Variants in RAB37 observed in about 807,000 individuals in gnomAD.
The protein encoded by RAB37 is ras-related protein Rab-37.
In RAB37, 29 loss-of-function variants were observed where a neutral mutation model predicts 33.1. That is an observed-to-expected ratio of 0.88 (90% CI 0.65 to 1.20). The LOEUF is 1.20. Among genes scored for constraint, RAB37 ranks in the 50% most tolerant of loss-of-function variants. The probability of loss-of-function intolerance (pLI) is 0.00; values close to 1 mark genes in which losing one functional copy is unlikely to be tolerated. For synonymous variants in RAB37, 128 were observed against 119.5 expected (o/e 1.07, Z -0.47); for missense variants, 299 against 301.1 (o/e 0.99, Z 0.05).
At position 74,742,315 on chromosome 17, in the gene RAB37, T is replaced by C. The variant is rs2034638691; in HGVS notation, c.246+20T>C. 6 of 1,600,878 alleles carry C rather than the reference T, an allele frequency of 3.7e-6. No individual in the cohort carries two copies. Among genetic ancestry groups the C allele is most frequent in the Non-Finnish European group, 5.1e-6 (6 of 1,169,742 alleles). Reference sequence around the variant, plus strand: ...CTGCAGGTGAGACCAGAGGCTGGAGTTGGGGAGGGAGGATGGAGGACCTGC... The same window carrying C: ...CTGCAGGTGAGACCAGAGGCTGGAGCTGGGGAGGGAGGATGGAGGACCTGC... On this transcript the variant is annotated intron_variant, in intron 3 of 8. Coordinates refer to ENST00000392613, the MANE Select transcript of RAB37 (RefSeq NM_001006638.3). The surrounding 1 kb of genome is among the most constrained non-coding windows in gnomAD (Gnocchi z 4.0).
Position 74,742,109 on chromosome 17 carries a change from GCC to G in RAB37, c.205-143_205-142del. On this transcript the variant is annotated intron_variant, in intron 2 of 8. Coordinates refer to ENST00000392613, the MANE Select transcript of RAB37 (RefSeq NM_001006638.3). This position sits in a 1 kb window ranked among gnomAD's most constrained non-coding sequence, Gnocchi z 4.0. ...GGTGTCTGGGTATGGGGTTCCTGCT[GCC>G]CTGATGGTATGATCTGGCTGGAGAC... 1 of 934,628 alleles carries G rather than the reference GCC, an allele frequency of 1.1e-6. No individual in the cohort carries two copies. Among genetic ancestry groups the G allele is most frequent in the South Asian group, 1.5e-5 (1 of 65,448 alleles). The allele number at this position is 934,628 out of a possible 1,614,324, so 57.9% of individuals were successfully genotyped here.
intron 1 of RAB37, among the ~76,000 whole-genome samples, chr17:74,711,562 C>G (rs561468186): frequency 2.0e-5 from 3 of 152,344 alleles, no homozygotes; most frequent in Non-Finnish European, 2.9e-5. Flanking sequence ...TCTGTCCCAC[C>G]AGGATCTTCT....
At chr17:74,701,771 AC>A (rs2033066831) in intron 1 of RAB37, among the ~76,000 whole-genome samples, 1 of 151,216 alleles carries the variant, frequency 6.6e-6, no homozygotes, top group African/African-American at 2.4e-5. Context: ...AATCACATGA[AC>A]CTGGGAGGTG....
chr17:74,678,672 C>G (rs905978411), intron 1 of RAB37, among the ~76,000 whole-genome samples: 4 of 146,084 alleles, frequency 2.7e-5, no homozygotes, highest in African/African-American at 1.1e-4. Context: ...ACCACACACA[C>G]AGACACACAG....
intron 1 of RAB37, among the ~76,000 whole-genome samples, chr17:74,687,333 C>T (rs1195784190): frequency 1.3e-5 from 2 of 152,110 alleles, no homozygotes; most frequent in Non-Finnish European, 2.9e-5. Context: ...AAGCAATTCT[C>T]CTTTCTCGGC....
chr17:74,673,204 G>A (rs139787822), intron 1 of RAB37, among the ~76,000 whole-genome samples: 131 of 152,140 alleles, frequency 8.6e-4, no homozygotes, highest in African/African-American at 3.0e-3. Context: ...AAGGGTTCAA[G>A]ACCAGCCTGG....
Position 74,729,438 on chromosome 17 carries a change from C to T in RAB37, c.183+72C>T. The T allele has an allele frequency of 7.0e-6, 7 of 1,007,026 alleles. No individual in the cohort carries two copies. Among genetic ancestry groups the T allele is most frequent in the South Asian group, 1.3e-5 (1 of 79,026 alleles). The allele number at this position is 1,007,026 out of a possible 1,614,324, so 62.4% of individuals were successfully genotyped here. A position where few individuals can be genotyped will look rare whatever the true frequency, so the allele number is the denominator to read the frequency against. ...CCAGCGTGTTTCTGTTGAGTGCCAG[C>T]AGGAAACAGGTGGACACTCGCATTG... On this transcript the variant is annotated intron_variant, in intron 2 of 7. Transcript: ENST00000340415. The surrounding 1 kb of genome is among the most constrained non-coding windows in gnomAD (Gnocchi z 4.2).
At chr17:74,712,575 G>A (rs796330763) in intron 1 of RAB37, among the ~76,000 whole-genome samples, 10 of 152,344 alleles carry the variant, frequency 6.6e-5, no homozygotes, top group African/African-American at 2.4e-4. Flanking sequence ...GGGGCCTACA[G>A]TCTGTCCATT....
chr17:74,712,846 G>A (rs772311900), intron 1 of RAB37: 1 of 1,614,086 alleles, frequency 6.2e-7, no homozygotes, highest in Non-Finnish European at 8.5e-7. Context: ...AGAGGAGCAG[G>A]TAGAGTGTCA....
rs992864212 is a variant in RAB37, at chr17:74,742,721, G to A, written c.247-408G>A. Among the ~76,000 whole-genome samples the A allele has an allele frequency of 6.6e-6, 1 of 151,904 alleles. No individual in the cohort carries two copies. The highest frequency in any genetic ancestry group is 1.5e-5 in the Non-Finnish European group (1 of 67,960). On this transcript the variant is annotated intron_variant, in intron 3 of 8. Transcript: ENST00000392613. This position sits in a 1 kb window ranked among gnomAD's most constrained non-coding sequence, Gnocchi z 4.0. Reference sequence around the variant, plus strand: ...GCTCACTGCAACCTCTGCCTCCCAGGTTTAAGAGATTCTCCTGCCTCAGCC... The same window carrying A: ...GCTCACTGCAACCTCTGCCTCCCAGATTTAAGAGATTCTCCTGCCTCAGCC...
At chr17:74,727,919 C>T (rs1023706250) in intron 1 of RAB37, among the ~76,000 whole-genome samples, 5 of 149,798 alleles carry the variant, frequency 3.3e-5, no homozygotes, top group East Asian at 3.9e-4. Flanking sequence ...TGCATGTTTG[C>T]GTGTATGCTG....
At chr17:74,739,540 T>G (rs184145377) in intron 1 of RAB37, among the ~76,000 whole-genome samples, 2,375 of 148,546 alleles carry the variant, frequency 0.016, 22 homozygotes, top group Non-Finnish European at 0.026. Context: ...TTTTTTTTTT[T>G]TTTTTTTGAG....
At chr17:74,698,514 A>ACC in intron 1 of RAB37, 2 of 1,588,632 alleles carry the variant, frequency 1.3e-6, no homozygotes, top group Non-Finnish European at 1.7e-6. Flanking sequence ...CCTGCATCCC[A>ACC]GGCTCACCAC....
intron 1 of RAB37, among the ~76,000 whole-genome samples, chr17:74,679,695 G>C (rs992762972): frequency 6.6e-6 from 1 of 152,096 alleles, no homozygotes; most frequent in African/African-American, 2.4e-5. Flanking sequence ...ACAAAGGCCA[G>C]ATGGCTGGGC....
chr17:74,724,564 T>A (rs993801165), intron 1 of RAB37, among the ~76,000 whole-genome samples: 3 of 152,228 alleles, frequency 2.0e-5, no homozygotes, highest in Non-Finnish European at 4.4e-5. Flanking sequence ...GCTGTTTATT[T>A]CACCTGGGTG....
At position 74,723,892 on chromosome 17, in the gene RAB37, C is replaced by A. The variant is rs567782497; in HGVS notation, c.73-5364C>A. On this transcript the variant is annotated intron_variant, in intron 1 of 7. Coordinates refer to the RAB37 transcript ENST00000340415. ...CCCGGCCGTAACATTTTCATAAATGCGAAGAGAAACACAAAGAGGGAAGGC... is the reference window on the plus strand; with the variant it reads ...CCCGGCCGTAACATTTTCATAAATGAGAAGAGAAACACAAAGAGGGAAGGC... Among the ~76,000 whole-genome samples the A allele has an allele frequency of 2.6e-5, 4 of 152,002 alleles. No individual in the cohort carries two copies. In the East Asian group the frequency reaches 7.7e-4, roughly 29 times the overall value.
chr17:74,698,511 C>CCA, intron 1 of RAB37: 2 of 1,589,322 alleles, frequency 1.3e-6, no homozygotes, highest in Non-Finnish European at 1.7e-6. Context: ...TCCCCTGCAT[C>CCA]CCAGGCTCAC....
intron 1 of RAB37, among the ~76,000 whole-genome samples, chr17:74,699,148 A>G (rs781145988): frequency 3.3e-5 from 5 of 152,088 alleles, no homozygotes; most frequent in African/African-American, 4.8e-5. Context: ...CGAACTCCTA[A>G]CCTCATGATC....
In RAB37 at chr17:74,744,150, C is replaced by T. The variant is rs533631653; in HGVS notation, c.367-158C>T. On this transcript the variant is annotated intron_variant, in intron 5 of 8. Transcript: ENST00000392613. This position sits in a 1 kb window ranked among gnomAD's most constrained non-coding sequence, Gnocchi z 4.2. ...TGTGGGTTGAGCCACCAAGGAAGGC[C>T]ATCCAGGCCTGGATGGGCCAGAACA... Among the ~76,000 whole-genome samples the T allele has an allele frequency of 9.9e-5, 15 of 152,170 alleles. No individual in the cohort carries two copies. In the South Asian group the frequency reaches 3.1e-3, roughly 32 times the overall value.
Sources: gnomAD v4.1 joint callset for allele counts (sites outside exome capture counted in the v4.1 genomes callset) on GRCh38, gnomAD v4.1.1 for gene constraint, Gnocchi (gnomAD v3.1) non-coding constraint, MANE v1.5 for transcripts, NCBI Gene and HGNC (gene_info 2026-07-23, HGNC 2026-07-21) for gene names.